The following MCM8 variants were observed in gnomAD, a reference collection of about 807,000 sequenced individuals.
MCM8 encodes the protein DNA helicase MCM8.
In MCM8, 85 loss-of-function variants were observed where a neutral mutation model predicts 98.9. The observed-to-expected ratio is 0.86, with a 90% CI of 0.72 to 1.03. The LOEUF (loss-of-function observed/expected upper bound fraction) is 1.03, where lower values mean the gene tolerates loss of function less well. Ranked by LOEUF, MCM8 falls within the 50% of genes least tolerant of loss-of-function variation. The pLI is 0.00. For missense variants in MCM8, 951 were observed against 997.8 expected (o/e 0.95, Z 0.63); for synonymous variants, 352 against 338.6 (o/e 1.04, Z -0.44).
At chr20:5,957,257 A>G (rs1188272515) in intron 6 of MCM8, 28 bp downstream of exon 6, 2 of 1,548,472 alleles carry the variant, frequency 1.3e-6, no homozygotes, top group East Asian at 4.5e-5. Flanking sequence ...TTAAAGTATT[A>G]CTTAGAATGG....
intron 12 of MCM8, among the ~76,000 whole-genome samples, chr20:5,974,202 G>A (rs2089462657): frequency 6.6e-6 from 1 of 152,142 alleles, no homozygotes; most frequent in South Asian, 2.1e-4. Flanking sequence ...GCGCAACTTT[G>A]GCTTACTGCA....
chr20:5,973,495 A>G (rs1384338897), intron 12 of MCM8, among the ~76,000 whole-genome samples: 1 of 152,198 alleles, frequency 6.6e-6, no homozygotes, highest in East Asian at 1.9e-4. Context: ...GTTAGTTGTT[A>G]TGTGACCTCA....
At chr20:5,963,209 A>T in intron 7 of MCM8, 65 bp from the exon 8 acceptor site, 1 of 1,235,018 alleles carries the variant, frequency 8.1e-7, no homozygotes, top group Non-Finnish European at 1.2e-6. Flanking sequence ...GTTTTAACTG[A>T]ATTTTCCTGA....
intron 13 of MCM8, among the ~76,000 whole-genome samples, chr20:5,978,855 C>T (rs539973491): frequency 3.6e-4 from 55 of 152,362 alleles, no homozygotes; most frequent in Non-Finnish European, 6.5e-4. Flanking sequence ...TGAGCCACCA[C>T]ACCTGGCCTA....
Position 5,967,828 on chromosome 20 carries a change from A to T in MCM8, c.1028-2A>T. 1 of 1,597,814 alleles carries T rather than the reference A, an allele frequency of 6.3e-7. No individual in the cohort carries two copies. Among genetic ancestry groups the T allele is most frequent in the Non-Finnish European group, 8.5e-7 (1 of 1,171,136 alleles). ...ATTGTATTTAACACTTTTAATTTAC[A>T]GGTTCTCGAAATAAGAATGACAAGT... On this transcript the variant is annotated splice_acceptor_variant, in intron 9 of 18. Coordinates refer to ENST00000610722, the MANE Select transcript of MCM8 (RefSeq NM_032485.6). LOFTEE classifies it high-confidence loss of function.
chr20:5,952,270 T>C (rs2088851219), intron 2 of MCM8, 107 bp downstream of exon 2: 2 of 1,562,264 alleles, frequency 1.3e-6, no homozygotes, highest in South Asian at 2.4e-5. Flanking sequence ...TATTTCATGC[T>C]ACTCCTTAGT....
At chr20:5,980,715 T>TA (rs1431832270) in intron 13 of MCM8, among the ~76,000 whole-genome samples, 2 of 151,978 alleles carry the variant, frequency 1.3e-5, no homozygotes, top group African/African-American at 4.8e-5. Flanking sequence ...CTACTAAAAA[T>TA]ACAAAAATTA....
chr20:5,964,343 C>T lies in MCM8; in HGVS notation c.875+984C>T, dbSNP rs563540473. On this transcript the variant is annotated intron_variant, in intron 8 of 18. Transcript: ENST00000610722. Reference sequence around the variant, plus strand: ...AGATGATCTGCTGCTAACTGCTTCACCCCCTTCTTCCCTGAAAAATTAAGA... The same window carrying T: ...AGATGATCTGCTGCTAACTGCTTCATCCCCTTCTTCCCTGAAAAATTAAGA... Among the ~76,000 whole-genome samples the T allele has an allele frequency of 2.6e-3, 396 of 152,248 alleles. 2 individuals are homozygous for T. Among genetic ancestry groups the T allele is most frequent in the African/African-American group, 9.1e-3 (379 of 41,552 alleles).
chr20:5,994,453 A>G lies in MCM8; in HGVS notation c.*62A>G. The G allele has an allele frequency of 1.1e-6, 1 of 913,100 alleles. No homozygotes were observed. 56.6% of individuals were successfully genotyped at this position (913,100 alleles called of 1,614,324 possible). A position where few individuals can be genotyped will look rare whatever the true frequency, so the allele number is the denominator to read the frequency against. The stretch of plus-strand genomic sequence containing the variant: ...GCAGATTAAAGCCATCTCAGTGAAG[A>G]TATGCGTGCACGCACAGACAGACAG... On this transcript the variant is annotated 3_prime_UTR_variant, in exon 19 of 19. Transcript: ENST00000610722.
In MCM8 at chr20:5,967,319, G is replaced by C. The variant is rs2089295741; in HGVS notation, c.876-117G>C. On this transcript the variant is annotated intron_variant, in intron 8 of 18. Coordinates refer to ENST00000610722, the MANE Select transcript of MCM8 (RefSeq NM_032485.6). Reference sequence around the variant, plus strand: ...GTAATTTTAGATATACCATTAAACTGTTAATAAGCAAATCTGCTTTTATCT... The same window carrying C: ...GTAATTTTAGATATACCATTAAACTCTTAATAAGCAAATCTGCTTTTATCT... The C allele has an allele frequency of 1.3e-5, 11 of 815,628 alleles. No homozygotes were observed. In the South Asian group the frequency reaches 2.6e-4, roughly 19 times the overall value. 50.5% of individuals were successfully genotyped at this position (815,628 alleles called of 1,614,324 possible).
chr20:5,984,958 A>T lies in MCM8; in HGVS notation c.1911A>T (p.Val637=). The change falls in exon 15 of 19, where the codon GTA becomes GTT. Residue 637 remains valine, a synonymous_variant. Transcript: ENST00000610722. The part of the protein sequence containing the change: ...RMNSQDSNTS[V]LEVVSEKPLS... ...ATAGTCAAGATTCAAATACTTCCGT[A>T]CTTGAAGTAGTTTCTGAGAAGCCAT... 1 of 1,614,102 alleles carries T rather than the reference A, an allele frequency of 6.2e-7. No individual in the cohort carries two copies. The highest frequency in any genetic ancestry group is 8.5e-7 in the Non-Finnish European group (1 of 1,179,994).
intron 12 of MCM8, among the ~76,000 whole-genome samples, chr20:5,975,616 C>T (rs565095858): frequency 4.2e-4 from 63 of 151,644 alleles, no homozygotes; most frequent in African/African-American, 1.3e-3. Flanking sequence ...CCTGCCTCAG[C>T]GTCCCAAGTA....
intron 6 of MCM8, 118 bp from the exon 7 acceptor site, chr20:5,958,410 T>C: frequency 1.3e-6 from 1 of 745,236 alleles, no homozygotes. Flanking sequence ...TCTTGTGATA[T>C]TTCTGATATA....
chr20:5,981,592 C>T lies in MCM8; in HGVS notation c.1538-1378C>T, dbSNP rs369196021. 2.6e-5 allele frequency among the ~76,000 whole-genome samples: 4 copies of T among 151,972 alleles called. No individual in the cohort carries two copies. The East Asian group carries it at 5.8e-4, about 22-fold the overall frequency. Reference sequence around the variant, plus strand: ...TGGGTCAAAATTACATTGGGAAAAGCGTATTGACAAGAATTCATATATACT... The same window carrying T: ...TGGGTCAAAATTACATTGGGAAAAGTGTATTGACAAGAATTCATATATACT... On this transcript the variant is annotated intron_variant, in intron 13 of 18. Transcript: ENST00000610722.
Position 5,952,407 on chromosome 20 carries a change from T to G in MCM8, c.149-17T>G, listed in dbSNP as rs1568565409. ...GTTCACTCTGTTTCTACTAACCTAG[T>G]ATTTTATTTTTTTCAGAACAAACCC... On this transcript the variant is annotated splice_polypyrimidine_tract_variant and intron_variant, in intron 2 of 18. Coordinates refer to ENST00000610722, the MANE Select transcript of MCM8 (RefSeq NM_032485.6). The G allele has an allele frequency of 1.2e-6, 2 of 1,609,778 alleles. No homozygotes were observed. The highest frequency in any genetic ancestry group is 2.2e-5 in the East Asian group (1 of 44,802).
In MCM8 at chr20:5,972,032, C is replaced by A; in HGVS notation, c.1249C>A (p.His417Asn). Residue 417 changes from histidine (H) to asparagine (N), a missense_variant, in exon 11 of 19, where the codon CAT becomes AAT. Coordinates refer to ENST00000610722, the MANE Select transcript of MCM8 (RefSeq NM_032485.6). ...CTCGCTTTGCCCTGTCATTTTTGGT[C>A]ATGAAGTAAGTATTTTACTTCATCT... ...VNSLCPVIFG[H>N]ELVKAGLALA... 1.2e-6 allele frequency: 2 copies of A among 1,610,308 alleles called. No individual in the cohort carries two copies. The highest frequency in any genetic ancestry group is 2.2e-5 in the South Asian group (2 of 90,454).
chr20:5,957,018 TTTTA>T (rs1278554087), intron 5 of MCM8, 104 bp from the exon 6 acceptor site: 9 of 559,458 alleles, frequency 1.6e-5, no homozygotes, highest in Non-Finnish European at 1.8e-5. Flanking sequence ...AGTTTTCTGT[TTTTA>T]TTCTGTTTCT....
intron 10 of MCM8, among the ~76,000 whole-genome samples, chr20:5,970,349 G>A (rs2089376195): frequency 6.6e-6 from 1 of 152,200 alleles, no homozygotes; most frequent in African/African-American, 2.4e-5. Context: ...CTTGGGAGGT[G>A]ATTCTGGAGT....
intron 8 of MCM8, chr20:5,965,359 G>T (rs919793741): frequency 1.3e-5 from 2 of 152,028 alleles, no homozygotes; most frequent in South Asian, 4.1e-4. Context: ...CCATCTTCAC[G>T]TTCCACTGTC....
Sources: allele counts gnomAD v4.1 joint callset (sites outside exome capture counted in the v4.1 genomes callset), GRCh38; gene constraint gnomAD v4.1.1; transcripts MANE v1.5; gene names NCBI Gene and HGNC (gene_info 2026-07-23, HGNC 2026-07-21).